Variants in TMCC1 observed in about 807,000 individuals in gnomAD.
TMCC1 encodes transmembrane and coiled-coil domain family 1.
In TMCC1, 15 loss-of-function variants were observed where a neutral mutation model predicts 52.4. That is an observed-to-expected ratio of 0.29 (90% CI 0.19 to 0.44). The LOEUF is 0.44. Among genes scored for constraint, TMCC1 ranks in the 20% least tolerant of loss-of-function variants. The pLI, the probability that TMCC1 is intolerant of heterozygous loss-of-function variation, is 1.00. For missense variants in TMCC1, 503 were observed against 806.0 expected (o/e 0.62, Z 4.55); for synonymous variants, 279 against 301.9 (o/e 0.92, Z 0.79).
chr3:129,682,891 A>G (rs1466327399), intron 4 of TMCC1, among the ~76,000 whole-genome samples: 1 of 152,164 alleles, frequency 6.6e-6, no homozygotes, highest in Non-Finnish European at 1.5e-5. Flanking sequence ...ACTGGAGTGC[A>G]ATGGCGCGAT....
intron 4 of TMCC1, among the ~76,000 whole-genome samples, chr3:129,736,891 A>C (rs1389723935): frequency 6.6e-6 from 1 of 152,164 alleles, no homozygotes; most frequent in African/African-American, 2.4e-5. Context: ...CTGGAAAAAA[A>C]ACCAGAAAAG....
chr3:129,763,662 T>A (rs1218915250), intron 4 of TMCC1, among the ~76,000 whole-genome samples: 1 of 151,722 alleles, frequency 6.6e-6, no homozygotes, highest in Non-Finnish European at 1.5e-5. Context: ...AGGTACCAGT[T>A]ACAGATTTAA....
intron 2 of TMCC1, among the ~76,000 whole-genome samples, chr3:129,835,228 A>G (rs142633991): frequency 6.6e-6 from 1 of 152,172 alleles, no homozygotes; most frequent in East Asian, 1.9e-4. Context: ...AGATCTTATT[A>G]TGACCACTGT....
chr3:129,730,045 C>T (rs1469278224), intron 4 of TMCC1, among the ~76,000 whole-genome samples: 1 of 151,752 alleles, frequency 6.6e-6, no homozygotes, highest in Non-Finnish European at 1.5e-5. Context: ...TAGTGAATAA[C>T]AGAATAGTTG....
chr3:129,848,005 T>C (rs1469857061), intron 2 of TMCC1: 1 of 152,234 alleles, frequency 6.6e-6, no homozygotes, highest in Non-Finnish European at 1.5e-5. Context: ...CCTTTTCTTA[T>C]GGGGTTGTCT....
intron 4 of TMCC1, among the ~76,000 whole-genome samples, chr3:129,736,742 G>C (rs932186791): frequency 1.3e-5 from 2 of 151,942 alleles, no homozygotes; most frequent in East Asian, 3.9e-4. Flanking sequence ...GGCTGGTCTC[G>C]AACTCCTGAC....
chr3:129,871,185 C>T (rs1156706447), intron 2 of TMCC1, among the ~76,000 whole-genome samples: 2 of 151,686 alleles, frequency 1.3e-5, no homozygotes, highest in Non-Finnish European at 2.9e-5. Context: ...ATAGTAAAAC[C>T]CCATCTCTAC....
chr3:129,676,113 C>G (rs1321989186), intron 4 of TMCC1, among the ~76,000 whole-genome samples: 7 of 151,476 alleles, frequency 4.6e-5, no homozygotes. Flanking sequence ...CCTCCCACCA[C>G]CAGTTATTAC....
chr3:129,837,925 T>TAAA (rs1188445009), intron 2 of TMCC1, among the ~76,000 whole-genome samples: 1 of 151,938 alleles, frequency 6.6e-6, no homozygotes, highest in East Asian at 1.9e-4. Context: ...AAAGAATCAG[T>TAAA]AAACTTGAAA....
chr3:129,718,127 C>T (rs2049250301), intron 4 of TMCC1, among the ~76,000 whole-genome samples: 1 of 152,116 alleles, frequency 6.6e-6, no homozygotes, highest in Admixed American at 6.5e-5. Context: ...TATGCAGACA[C>T]TAAGTTTATT....
intron 2 of TMCC1, among the ~76,000 whole-genome samples, chr3:129,834,420 T>C (rs2059062005): frequency 6.6e-6 from 1 of 152,170 alleles, no homozygotes; most frequent in Non-Finnish European, 1.5e-5. Flanking sequence ...GTGAACATTA[T>C]CTCTAATCCT....
At chr3:129,812,067 C>T (rs368777011) in intron 4 of TMCC1, among the ~76,000 whole-genome samples, 2 of 148,330 alleles carry the variant, frequency 1.3e-5, no homozygotes, top group East Asian at 2.1e-4. Flanking sequence ...AATGGCTGGG[C>T]GTGGTGGCTC....
At chr3:129,666,432 G>GT (rs1313858411) in intron 5 of TMCC1, among the ~76,000 whole-genome samples, 1 of 152,150 alleles carries the variant, frequency 6.6e-6, no homozygotes, top group Non-Finnish European at 1.5e-5. Context: ...AATGTGAAAA[G>GT]TTTCAGTGCT....
At position 129,878,520 on chromosome 3, in the gene TMCC1, ACT is replaced by A. The variant is rs530160136; in HGVS notation, c.-184+1787_-184+1788del. Among the ~76,000 whole-genome samples, 341 of 152,284 alleles carry A rather than the reference ACT, an allele frequency of 2.2e-3. 1 individual carries two copies. The Middle Eastern group carries it at 0.034, about 15-fold the overall frequency. On this transcript the variant is annotated intron_variant, in intron 2 of 6. Coordinates refer to ENST00000393238, the MANE Select transcript of TMCC1 (RefSeq NM_001017395.5). ...AGATCATGTTACCACAGTCACTGCT[ACT>A]CTCTAGCACAAACCACATTTTCTCT... is the stretch of plus-strand genomic sequence containing the variant.
chr3:129,669,225 G>A (rs913976230), intron 5 of TMCC1, among the ~76,000 whole-genome samples: 1 of 152,082 alleles, frequency 6.6e-6, no homozygotes, highest in East Asian at 1.9e-4. Flanking sequence ...TTTTTAAAAG[G>A]TGAAAAGGAT....
Position 129,893,607 on chromosome 3 carries a change from C to G in TMCC1, c.-548G>C, listed in dbSNP as rs1024156253. 1 of 152,114 alleles carries G rather than the reference C, an allele frequency of 6.6e-6. No homozygotes were observed. The highest frequency in any genetic ancestry group is 2.4e-5 in the African/African-American group (1 of 41,284). The allele number at this position is 152,114 out of a possible 1,614,324, so 9.4% of individuals were successfully genotyped here. On this transcript the variant is annotated 5_prime_UTR_variant, in exon 1 of 7. Coordinates refer to ENST00000393238, the MANE Select transcript of TMCC1 (RefSeq NM_001017395.5). ...CGGTCCATCCCCCACAACCACCCCC[C>G]CCTCCCGACCCTCCCCCCGCGCCGC...
At chr3:129,739,445 G>A (rs1013021238) in intron 4 of TMCC1, among the ~76,000 whole-genome samples, 2 of 152,156 alleles carry the variant, frequency 1.3e-5, no homozygotes, top group Non-Finnish European at 2.9e-5. Flanking sequence ...GAGATTGCGT[G>A]AGCCACTGCG....
At chr3:129,800,539 T>C (rs962778138) in intron 4 of TMCC1, among the ~76,000 whole-genome samples, 7 of 152,168 alleles carry the variant, frequency 4.6e-5, no homozygotes, top group Admixed American at 1.3e-4. Flanking sequence ...TGGCATCTCA[T>C]TGTGGTCTTG....
chr3:129,746,714 A>C (rs528754841), intron 4 of TMCC1, among the ~76,000 whole-genome samples: 1 of 152,340 alleles, frequency 6.6e-6, no homozygotes, highest in South Asian at 2.1e-4. Flanking sequence ...AAATAAATGC[A>C]TTCTCAATAG....
Sources: allele counts gnomAD v4.1 joint callset (sites outside exome capture counted in the v4.1 genomes callset), GRCh38; gene constraint gnomAD v4.1.1; transcripts MANE v1.5; gene names NCBI Gene and HGNC (gene_info 2026-07-23, HGNC 2026-07-21).